MFHAS1: variants seen among roughly 807,000 people sequenced by gnomAD.
MFHAS1 encodes the protein malignant fibrous histiocytoma-amplified sequence 1.
In MFHAS1, 50 loss-of-function variants were observed where a neutral mutation model predicts 70.4. That is an observed-to-expected ratio of 0.71 (90% CI 0.57 to 0.90). The LOEUF is 0.90. Ranked by LOEUF, MFHAS1 falls within the 40% of genes least tolerant of loss-of-function variation. MFHAS1 has a pLI of 0.00. For synonymous variants in MFHAS1, 952 were observed against 620.0 expected, an observed-to-expected ratio of 1.54 and a Z score of -7.96; for missense variants, 1,795 against 1,347.6, an observed-to-expected ratio of 1.33 and a Z score of -5.20.
chr8:8,825,873 TC>T (rs1446955902), intron 1 of MFHAS1, among the ~76,000 whole-genome samples: 1 of 152,198 alleles, frequency 6.6e-6, no homozygotes, highest in Non-Finnish European at 1.5e-5. Context: ...GTTCTCTCCT[TC>T]AGCTCCTGGA....
At chr8:8,841,227 C>A (rs1807809853) in intron 1 of MFHAS1, among the ~76,000 whole-genome samples, 1 of 152,198 alleles carries the variant, frequency 6.6e-6, no homozygotes, top group Admixed American at 6.5e-5. Flanking sequence ...GTAATCCTAG[C>A]ACTTTGGGAG....
intron 1 of MFHAS1, among the ~76,000 whole-genome samples, chr8:8,817,826 G>C (rs1174976717): frequency 6.6e-6 from 1 of 152,194 alleles, no homozygotes; most frequent in Non-Finnish European, 1.5e-5. Flanking sequence ...GCTCCTATGA[G>C]AACCTAATGT....
rs551214483 is a variant in MFHAS1 at position 8,783,468 on chromosome 8, C to T, written c.*2554G>A. On this transcript the variant is annotated 3_prime_UTR_variant, in exon 3 of 3. Transcript: ENST00000276282. Reference sequence around the variant, plus strand: ...ACAAACCATGGCATGAAAAACAACACGCACCCCATCAGGAATTACACCAAA... The same window carrying T: ...ACAAACCATGGCATGAAAAACAACATGCACCCCATCAGGAATTACACCAAA... 5.3e-5 allele frequency: 8 copies of T among 152,258 alleles called. No homozygotes were observed. In the East Asian group the frequency reaches 7.7e-4, roughly 15 times the overall value. 9.4% of individuals were successfully genotyped at this position (152,258 alleles called of 1,614,324 possible).
chr8:8,792,849 T>C (rs1363168657), intron 2 of MFHAS1, among the ~76,000 whole-genome samples: 1 of 152,194 alleles, frequency 6.6e-6, no homozygotes, highest in African/African-American at 2.4e-5. Flanking sequence ...AATGTATCTG[T>C]CACAATCTGT....
chr8:8,831,770 A>C (rs562904466), intron 1 of MFHAS1, among the ~76,000 whole-genome samples: 1 of 152,144 alleles, frequency 6.6e-6, no homozygotes, highest in South Asian at 2.1e-4. Context: ...CACCACACCC[A>C]TCTAACTTTT....
rs1221795082 is a variant in MFHAS1, at chr8:8,832,052, G to GCACACA, written c.2999-34562_2999-34561insTGTGTG. 7.5e-3 allele frequency among the ~76,000 whole-genome samples: 270 copies of GCACACA among 35,828 alleles called. 1 individual carries two copies. Among genetic ancestry groups the GCACACA allele is most frequent in the African/African-American group, 0.016 (214 of 13,100 alleles). 23.5% of individuals were successfully genotyped at this position (35,828 alleles called of 152,430 possible). ...CTTACTTCAAGGCGCACATGCACGC[G>GCACACA]CGCGCGCGCGCACACACACACACAC... On this transcript the variant is annotated intron_variant, in intron 1 of 2. Transcript: ENST00000276282.
intron 1 of MFHAS1, among the ~76,000 whole-genome samples, chr8:8,829,263 C>T (rs1029235979): frequency 5.9e-5 from 9 of 152,204 alleles, no homozygotes; most frequent in Admixed American, 1.3e-4. Flanking sequence ...CGGGCTGCAC[C>T]CCCACCTGGA....
At chr8:8,804,191 C>A (rs1806195482) in intron 1 of MFHAS1, among the ~76,000 whole-genome samples, 1 of 152,120 alleles carries the variant, frequency 6.6e-6, no homozygotes, top group African/African-American at 2.4e-5. Flanking sequence ...GTTCCAACGA[C>A]AGCTACAAAA....
At chr8:8,811,764 T>C (rs1476316994) in intron 1 of MFHAS1, among the ~76,000 whole-genome samples, 1 of 152,122 alleles carries the variant, frequency 6.6e-6, no homozygotes, top group African/African-American at 2.4e-5. Context: ...AGAACGAAAC[T>C]CATCCATCCC....
At chr8:8,846,790 T>C (rs1317875672) in intron 1 of MFHAS1, among the ~76,000 whole-genome samples, 1 of 152,012 alleles carries the variant, frequency 6.6e-6, no homozygotes, top group Non-Finnish European at 1.5e-5. Flanking sequence ...CCTAGACAGG[T>C]TTTCCTTGGC....
intron 1 of MFHAS1, among the ~76,000 whole-genome samples, chr8:8,870,171 C>T (rs1338288830): frequency 1.3e-5 from 2 of 151,774 alleles, no homozygotes; most frequent in African/African-American, 4.8e-5. Context: ...GTTATTTACA[C>T]GGGATATGTA....
intron 2 of MFHAS1, among the ~76,000 whole-genome samples, chr8:8,789,102 C>G (rs1172184892): frequency 6.6e-6 from 1 of 151,534 alleles, no homozygotes; most frequent in African/African-American, 2.4e-5. Context: ...GACTCAGTCA[C>G]AGGAACCTTG....
intron 2 of MFHAS1, among the ~76,000 whole-genome samples, chr8:8,788,126 T>C (rs1365931006): frequency 6.6e-6 from 1 of 152,232 alleles, no homozygotes; most frequent in Non-Finnish European, 1.5e-5. Context: ...AGGTACCATG[T>C]TTCAATTATA....
intron 1 of MFHAS1, among the ~76,000 whole-genome samples, chr8:8,884,863 T>A (rs1247687313): frequency 6.6e-6 from 1 of 151,996 alleles, no homozygotes; most frequent in Non-Finnish European, 1.5e-5. Flanking sequence ...AGTAGGAGGA[T>A]CATCACCTGA....
rs1368790661 is a variant in MFHAS1, at chr8:8,785,298, G to C, written c.*724C>G. The C allele has an allele frequency of 6.6e-6, 1 of 152,030 alleles. No homozygotes were observed. Among genetic ancestry groups the C allele is most frequent in the Non-Finnish European group, 1.5e-5 (1 of 68,002 alleles). The allele number at this position is 152,030 out of a possible 1,614,324, so 9.4% of individuals were successfully genotyped here. ...GGGACCTTCATTGAAAAGAAGGGAA[G>C]GGACACTGTCTTAAATGCACATTTA... On this transcript the variant is annotated 3_prime_UTR_variant, in exon 3 of 3. Coordinates refer to ENST00000276282, the MANE Select transcript of MFHAS1 (RefSeq NM_004225.3).
intron 1 of MFHAS1, among the ~76,000 whole-genome samples, chr8:8,867,109 G>T (rs1368362468): frequency 6.6e-6 from 1 of 152,110 alleles, no homozygotes; most frequent in Admixed American, 6.5e-5. Flanking sequence ...TACTGCTAAG[G>T]TGCATTAATA....
chr8:8,854,621 G>T (rs1337168395), intron 1 of MFHAS1, among the ~76,000 whole-genome samples: 1 of 151,102 alleles, frequency 6.6e-6, no homozygotes, highest in Non-Finnish European at 1.5e-5. Flanking sequence ...GGAGGTGGAG[G>T]TTGCAGTGAG....
intron 1 of MFHAS1, among the ~76,000 whole-genome samples, chr8:8,879,136 G>T (rs1809409103): frequency 6.6e-6 from 1 of 152,106 alleles, no homozygotes; most frequent in Middle Eastern, 3.2e-3. Flanking sequence ...ATCACTTGAG[G>T]TCAGGAGATT....
rs1810071792 is a variant in MFHAS1, at chr8:8,892,015, C to T, written c.1044G>A (p.Val348=). The part of the protein sequence containing the change: ...IVELTGLEEL[V]LQGNQIAVLP... ...GCACCGCGATCTGGTTCCCCTGCAG[C>T]ACGAGCTCCTCCAGGCCGGTCAGCT... is the stretch of plus-strand genomic sequence containing the variant. The change falls in exon 1 of 3, where the codon GTG becomes GTA. Residue 348 remains valine, a synonymous_variant. Coordinates refer to ENST00000276282, the MANE Select transcript of MFHAS1 (RefSeq NM_004225.3). The surrounding 1 kb of genome is among the most constrained non-coding windows in gnomAD (Gnocchi z 4.7). 6.2e-7 allele frequency: 1 copy of T among 1,613,580 alleles called. No homozygotes were observed. Among genetic ancestry groups the T allele is most frequent in the Non-Finnish European group, 8.5e-7 (1 of 1,180,014 alleles).
Sources: gnomAD v4.1 joint callset for allele counts (sites outside exome capture counted in the v4.1 genomes callset) on GRCh38, gnomAD v4.1.1 for gene constraint, Gnocchi (gnomAD v3.1) non-coding constraint, MANE v1.5 for transcripts, NCBI Gene and HGNC (gene_info 2026-07-23, HGNC 2026-07-21) for gene names.